The following ROBO2 variants were observed in gnomAD, a reference collection of about 807,000 sequenced individuals.
ROBO2 encodes roundabout homolog 2.
A neutral mutation model predicts 160.8 loss-of-function variants in ROBO2; 53 were observed. That is an observed-to-expected ratio of 0.33 (90% CI 0.26 to 0.41). ROBO2 has a LOEUF of 0.41. ROBO2 is among the 10% of genes least tolerant of loss of function. The pLI is 1.00. For missense variants in ROBO2, 1,577 were observed against 1,722.4 expected (o/e 0.92, Z 1.49); for synonymous variants, 664 against 611.7 (o/e 1.09, Z -1.26).
At chr3:76,807,206 A>T (rs1392776081) in intron 2 of ROBO2, among the ~76,000 whole-genome samples, 1 of 152,088 alleles carries the variant, frequency 6.6e-6, no homozygotes, top group Non-Finnish European at 1.5e-5. Flanking sequence ...ATGGTTGTTT[A>T]TGAAATTATT....
intron 2 of ROBO2, among the ~76,000 whole-genome samples, chr3:76,347,760 G>A (rs1414526094): frequency 6.6e-6 from 1 of 152,036 alleles, no homozygotes; most frequent in East Asian, 1.9e-4. Flanking sequence ...GTCTTTGATT[G>A]TGAGAAATAC....
chr3:76,621,281 G>A (rs2089056103), intron 2 of ROBO2, among the ~76,000 whole-genome samples: 1 of 152,066 alleles, frequency 6.6e-6, no homozygotes, highest in Non-Finnish European at 1.5e-5. Flanking sequence ...AAGTATTGCT[G>A]TGTGTACTCA....
At chr3:76,273,206 C>T (rs1707700992) in intron 2 of ROBO2, among the ~76,000 whole-genome samples, 1 of 142,440 alleles carries the variant, frequency 7.0e-6, no homozygotes, top group Non-Finnish European at 1.5e-5. Context: ...TAGAGTTCTC[C>T]ACTTATCTAA....
chr3:77,034,842 A>T (rs2149575219), intron 2 of ROBO2, among the ~76,000 whole-genome samples: 1 of 152,100 alleles, frequency 6.6e-6, no homozygotes, highest in Non-Finnish European at 1.5e-5. Context: ...ATCGGAGCAG[A>T]TGGACTTGGA....
chr3:77,381,629 A>T (rs555385516), intron 2 of ROBO2, among the ~76,000 whole-genome samples: 2 of 152,266 alleles, frequency 1.3e-5, no homozygotes, highest in South Asian at 4.1e-4. Context: ...TACACACACT[A>T]CCCATGGTTA....
At chr3:77,090,896 C>T (rs547030037) in intron 1 of ROBO2, among the ~76,000 whole-genome samples, 13 of 152,044 alleles carry the variant, frequency 8.6e-5, no homozygotes, top group Middle Eastern at 3.2e-3. Context: ...CTATTTATAT[C>T]GTTTTGGGGA....
At chr3:76,387,439 ATTTT>A (rs1322991134) in intron 2 of ROBO2, among the ~76,000 whole-genome samples, 1 of 151,558 alleles carries the variant, frequency 6.6e-6, no homozygotes, top group Non-Finnish European at 1.5e-5. Context: ...ACTAGTATTT[ATTTT>A]TTATTTGTTA....
At chr3:76,580,323 T>G (rs1172536072) in intron 2 of ROBO2, among the ~76,000 whole-genome samples, 5 of 117,868 alleles carry the variant, frequency 4.2e-5, no homozygotes, top group Non-Finnish European at 9.4e-5. Context: ...CCCTGTTTTT[T>G]TTTTGTTTTT....
chr3:76,806,208 T>TGTGC (rs2064692708), intron 2 of ROBO2, among the ~76,000 whole-genome samples: 1 of 82,214 alleles, frequency 1.2e-5, no homozygotes, highest in African/African-American at 4.8e-5. Context: ...GTTTATTTTC[T>TGTGC]GTGTGCGTGT....
intron 2 of ROBO2, among the ~76,000 whole-genome samples, chr3:76,345,163 G>A (rs62262582): frequency 0.11 from 16,073 of 152,066 alleles, 929 homozygotes; most frequent in African/African-American, 0.14. Flanking sequence ...ATACAAGGAG[G>A]TGTGTCGGGG....
At chr3:76,721,384 T>C (rs2093464600) in intron 2 of ROBO2, among the ~76,000 whole-genome samples, 1 of 152,234 alleles carries the variant, frequency 6.6e-6, no homozygotes, top group Middle Eastern at 3.2e-3. Flanking sequence ...ATGAGTCTTT[T>C]GGCTCTTCCA....
chr3:77,592,506 G>A (rs1222641021), intron 17 of ROBO2, among the ~76,000 whole-genome samples: 1 of 151,858 alleles, frequency 6.6e-6, no homozygotes, highest in African/African-American at 2.4e-5. Flanking sequence ...ACTCTAACAA[G>A]TTTGCAAATT....
At chr3:76,452,422 G>A (rs1198250260) in intron 2 of ROBO2, among the ~76,000 whole-genome samples, 1 of 152,028 alleles carries the variant, frequency 6.6e-6, no homozygotes, top group African/African-American at 2.4e-5. Context: ...AGAACATGCG[G>A]TGTTTGTTTT....
chr3:77,382,362 T>TTTA lies in ROBO2; in HGVS notation c.389-95052_389-95051insTTA, dbSNP rs1553931090. 3.7e-3 allele frequency among the ~76,000 whole-genome samples: 545 copies of TTTA among 149,048 alleles called. 5 individuals carry two copies. Among genetic ancestry groups the TTTA allele is most frequent in the Middle Eastern group, 3.5e-3 (1 of 282 alleles). On this transcript the variant is annotated intron_variant, in intron 2 of 25. Transcript: ENST00000461745. The stretch of plus-strand genomic sequence containing the variant: ...ACACATGTCCTTTTTTTTTTTTTTT[T>TTTA]AAAAAGTCTTTTTTTAGGTGTTTTA...
chr3:76,681,234 A>G (rs1237270950), intron 2 of ROBO2, among the ~76,000 whole-genome samples: 7 of 152,196 alleles, frequency 4.6e-5, no homozygotes. Flanking sequence ...AAGAGAACCC[A>G]ACACTATAAA....
At chr3:76,603,180 A>T (rs6768394) in intron 2 of ROBO2, among the ~76,000 whole-genome samples, 15,860 of 150,622 alleles carry the variant, frequency 0.11, 1,050 homozygotes, top group East Asian at 0.26. Flanking sequence ...AAATACAAAA[A>T]AATTAGCTGG....
chr3:76,701,630 G>A (rs2246652), intron 2 of ROBO2, among the ~76,000 whole-genome samples: 51,459 of 151,742 alleles, frequency 0.34, 9,444 homozygotes, highest in East Asian at 0.56. Context: ...TTTTCTGTGT[G>A]TAATGATAAA....
chr3:76,341,365 C>T (rs1201968706), intron 2 of ROBO2, among the ~76,000 whole-genome samples: 1 of 144,144 alleles, frequency 6.9e-6, no homozygotes, highest in Non-Finnish European at 1.5e-5. Flanking sequence ...ATCCAGCCCA[C>T]AGCTTGTTTC....
intron 4 of ROBO2, among the ~76,000 whole-genome samples, chr3:77,483,447 A>G (rs919323204): frequency 6.6e-6 from 1 of 151,962 alleles, no homozygotes; most frequent in African/African-American, 2.4e-5. Context: ...ACATTTTCCA[A>G]TACAACTCTT....
Sources: allele counts gnomAD v4.1 joint callset (sites outside exome capture counted in the v4.1 genomes callset), GRCh38; gene constraint gnomAD v4.1.1; transcripts MANE v1.5; gene names NCBI Gene and HGNC (gene_info 2026-07-23, HGNC 2026-07-21).